The following CDH4 variants were observed in gnomAD, a reference collection of about 807,000 sequenced individuals.
The protein encoded by CDH4 is cadherin-4.
A neutral mutation model predicts 86.0 loss-of-function variants in CDH4; 33 were observed. That is an observed-to-expected ratio of 0.38 (90% CI 0.29 to 0.51). The LOEUF (loss-of-function observed/expected upper bound fraction) is 0.51, where lower values mean the gene tolerates loss of function less well. Ranked by LOEUF, CDH4 falls within the 20% of genes least tolerant of loss-of-function variation. The pLI, the probability that CDH4 is intolerant of heterozygous loss-of-function variation, is 0.86. For missense variants in CDH4, 1,114 were observed against 1,307.4 expected (o/e 0.85, Z 2.28); for synonymous variants, 555 against 549.4 (o/e 1.01, Z -0.14).
chr20:61,680,944 G>C (rs954282439), intron 2 of CDH4, among the ~76,000 whole-genome samples: 4 of 151,998 alleles, frequency 2.6e-5, no homozygotes, highest in African/African-American at 9.7e-5. Flanking sequence ...TGGCTCAGAG[G>C]CTAGCTCTCT....
chr20:61,845,222 T>C (rs1600706332), intron 5 of CDH4, among the ~76,000 whole-genome samples: 1 of 152,258 alleles, frequency 6.6e-6, no homozygotes, highest in Admixed American at 6.5e-5. Context: ...TCTTGGCCCC[T>C]TTCTCCGAAG....
At chr20:61,720,047 C>T (rs971537183) in intron 2 of CDH4, among the ~76,000 whole-genome samples, 3 of 152,092 alleles carry the variant, frequency 2.0e-5, no homozygotes, top group Non-Finnish European at 4.4e-5. Flanking sequence ...GTCTCAGTAA[C>T]GGAGAAGGAG....
rs111376555 is a variant in CDH4, at chr20:61,527,209, C to T, written c.170-216354C>T. ...AGGCGCCCCTGGCACCCTCCCTAAC[C>T]TACTATCTCCCAATAAAGGTAAACA... is the stretch of plus-strand genomic sequence containing the variant. On this transcript the variant is annotated intron_variant, in intron 2 of 15. Coordinates refer to ENST00000614565, the MANE Select transcript of CDH4 (RefSeq NM_001794.5). Among the ~76,000 whole-genome samples, 758 of 152,342 alleles carry T rather than the reference C, an allele frequency of 5.0e-3. 3 individuals carry two copies. The highest frequency in any genetic ancestry group is 0.017 in the African/African-American group (718 of 41,582).
Position 61,305,015 on chromosome 20 carries a change from G to A in CDH4, c.169+50078G>A, listed in dbSNP as rs534173917. On this transcript the variant is annotated intron_variant, in intron 2 of 15. Coordinates refer to ENST00000614565, the MANE Select transcript of CDH4 (RefSeq NM_001794.5). ...ACAGTGTGTTGCCTGTGTTGGGCAT[G>A]CAGCATGTGTGTTGTATGTGTGTGT... 4.0e-5 allele frequency among the ~76,000 whole-genome samples: 6 copies of A among 151,880 alleles called. No individual in the cohort carries two copies. In the East Asian group the frequency reaches 7.8e-4, roughly 20 times the overall value.
intron 6 of CDH4, among the ~76,000 whole-genome samples, chr20:61,869,396 A>G (rs902326124): frequency 5.9e-5 from 9 of 152,214 alleles, no homozygotes; most frequent in African/African-American, 1.9e-4. Context: ...GGAACAGGGA[A>G]TGTGTGCCCG....
rs186085927 is a variant in CDH4 at position 61,708,834 on chromosome 20, G to A, written c.170-34729G>A. On this transcript the variant is annotated intron_variant, in intron 2 of 15. Transcript: ENST00000614565. The surrounding 1 kb of genome is among the most constrained non-coding windows in gnomAD (Gnocchi z 4.5). ...AGATGAGCACAGAAATCAATAGTGG[G>A]CATTGGCAGACGTGCAGAACACCCC... 1.4e-4 allele frequency among the ~76,000 whole-genome samples: 21 copies of A among 152,338 alleles called. No homozygotes were observed. Among genetic ancestry groups the A allele is most frequent in the Admixed American group, 1.2e-3 (19 of 15,300 alleles).
At chr20:61,771,006 T>C (rs1397530932) in intron 3 of CDH4, among the ~76,000 whole-genome samples, 1 of 138,460 alleles carries the variant, frequency 7.2e-6, no homozygotes, top group African/African-American at 2.6e-5. Context: ...TTTTTTCTTT[T>C]TTTCTTTTTT....
At chr20:61,737,996 G>C (rs1157726287) in intron 2 of CDH4, among the ~76,000 whole-genome samples, 1 of 152,196 alleles carries the variant, frequency 6.6e-6, no homozygotes, top group East Asian at 1.9e-4. Context: ...GCATGCAGCG[G>C]GTGCTGGGAC....
At chr20:61,390,314 A>G (rs371412811) in intron 2 of CDH4, among the ~76,000 whole-genome samples, 296 of 82,334 alleles carry the variant, frequency 3.6e-3, no homozygotes, top group Middle Eastern at 0.012. Context: ...GAGATCGTGC[A>G]GTCATAGGGT....
chr20:61,646,147 G>A (rs931553605), intron 2 of CDH4, among the ~76,000 whole-genome samples: 16 of 152,086 alleles, frequency 1.1e-4, no homozygotes, highest in Admixed American at 6.6e-5. Context: ...TCAGAGGACC[G>A]AGCATGCAGT....
At chr20:61,814,085 C>T (rs1980586018) in intron 4 of CDH4, among the ~76,000 whole-genome samples, 1 of 152,204 alleles carries the variant, frequency 6.6e-6, no homozygotes, top group Non-Finnish European at 1.5e-5. Flanking sequence ...GGCCCATGTG[C>T]AGCGTGGGGA....
intron 6 of CDH4, among the ~76,000 whole-genome samples, chr20:61,869,041 C>G (rs1216771450): frequency 6.6e-6 from 1 of 152,232 alleles, no homozygotes; most frequent in East Asian, 1.9e-4. Flanking sequence ...CTTCAAGGAG[C>G]TCAACTTATT....
In CDH4 at chr20:61,536,257, C is replaced by T. The variant is rs1286132704; in HGVS notation, c.170-207306C>T. 2.6e-5 allele frequency among the ~76,000 whole-genome samples: 4 copies of T among 152,182 alleles called. No individual in the cohort carries two copies. In the East Asian group the frequency reaches 7.7e-4, roughly 29 times the overall value. ...CCAAAGCCGTGGCTCCCCTCCTGCC[C>T]CCCGAACCCAGAAGTCCCTAAGCAC... On this transcript the variant is annotated intron_variant, in intron 2 of 15. Coordinates refer to ENST00000614565, the MANE Select transcript of CDH4 (RefSeq NM_001794.5).
At chr20:61,271,224 C>T (rs1050523134) in intron 2 of CDH4, among the ~76,000 whole-genome samples, 1 of 152,106 alleles carries the variant, frequency 6.6e-6, no homozygotes, top group Non-Finnish European at 1.5e-5. Context: ...CCCCCATGGC[C>T]CCATCTCATC....
rs894951473 is a variant in CDH4, at chr20:61,538,282, G to A, written c.170-205281G>A. On this transcript the variant is annotated intron_variant, in intron 2 of 15. Coordinates refer to ENST00000614565, the MANE Select transcript of CDH4 (RefSeq NM_001794.5). ...AGCAGTGTCCTTTATCCCTCCAGCT[G>A]TGCCCGTCACTCTGGGAGAAGGACA... Among the ~76,000 whole-genome samples, 23 of 152,264 alleles carry A rather than the reference G, an allele frequency of 1.5e-4. 1 individual carries two copies. The highest frequency in any genetic ancestry group is 4.8e-4 in the African/African-American group (20 of 41,554).
chr20:61,459,442 G>T (rs76040124), intron 2 of CDH4, among the ~76,000 whole-genome samples: 2,068 of 151,350 alleles, frequency 0.014, 47 homozygotes, highest in African/African-American at 0.048. Flanking sequence ...GTCACGTATT[G>T]GTATTGTGTA....
At chr20:61,554,857 C>T (rs1289167857) in intron 2 of CDH4, among the ~76,000 whole-genome samples, 6 of 150,514 alleles carry the variant, frequency 4.0e-5, no homozygotes, top group South Asian at 4.2e-4. Flanking sequence ...TGCGTGAGTT[C>T]GCATGTTTGT....
At chr20:61,326,089 C>G (rs2084535712) in intron 2 of CDH4, among the ~76,000 whole-genome samples, 1 of 152,222 alleles carries the variant, frequency 6.6e-6, no homozygotes, top group African/African-American at 2.4e-5. Context: ...TTTTCAGACA[C>G]TAACTTTAAG....
intron 2 of CDH4, among the ~76,000 whole-genome samples, chr20:61,293,615 G>A (rs2084335591): frequency 6.6e-6 from 1 of 152,202 alleles, no homozygotes; most frequent in South Asian, 2.1e-4. Flanking sequence ...CATTTTTAAA[G>A]CCTAGAGACC....
Sources: gnomAD v4.1 joint callset for allele counts (sites outside exome capture counted in the v4.1 genomes callset) on GRCh38, gnomAD v4.1.1 for gene constraint, Gnocchi (gnomAD v3.1) non-coding constraint, MANE v1.5 for transcripts, NCBI Gene and HGNC (gene_info 2026-07-23, HGNC 2026-07-21) for gene names.